Variants in HEATR6 observed in about 807,000 individuals in gnomAD.
HEATR6 encodes HEAT repeat containing 6.
Under a neutral mutation model 132.8 loss-of-function variants are expected in HEATR6, and 106 were observed. The observed-to-expected ratio is 0.80, with a 90% CI of 0.68 to 0.94. The LOEUF is 0.94. Among genes scored for constraint, HEATR6 ranks in the 40% least tolerant of loss-of-function variants. The pLI, the probability that HEATR6 is intolerant of heterozygous loss-of-function variation, is 0.00. For missense variants in HEATR6, 1,339 were observed against 1,425.1 expected (o/e 0.94, Z 0.97); for synonymous variants, 529 against 537.8 (o/e 0.98, Z 0.23).
chr17:60,054,646 T>C (rs1306029812), intron 14 of HEATR6, among the ~76,000 whole-genome samples: 2 of 152,248 alleles, frequency 1.3e-5, no homozygotes, highest in Admixed American at 1.3e-4. Context: ...CCCTTTCTTT[T>C]GGCTGATTTC....
intron 14 of HEATR6, among the ~76,000 whole-genome samples, chr17:60,051,284 G>C (rs1479192180): frequency 6.6e-6 from 1 of 152,226 alleles, no homozygotes; most frequent in East Asian, 1.9e-4. Context: ...GTTCTTCAGA[G>C]AGCTCATGCC....
At position 60,060,221 on chromosome 17, in the gene HEATR6, A is replaced by T. The variant is rs1598912186; in HGVS notation, c.1417-125T>A. 7.4e-6 allele frequency: 5 copies of T among 679,462 alleles called. No individual in the cohort carries two copies. In the East Asian group the frequency reaches 1.3e-4, roughly 18 times the overall value. 42.1% of individuals were successfully genotyped at this position (679,462 alleles called of 1,614,324 possible). On this transcript the variant is annotated intron_variant, in intron 9 of 19. Transcript: ENST00000184956. ...TAATTGGAAGAATAAAGGCAATGGG[A>T]TTATCTGTTAGTTCCTAAAAACTAG...
chr17:60,043,941 G>A lies in HEATR6; in HGVS notation c.3168C>T (p.Thr1056=). ...LVTALQKSED[T]IDFLEFKYCV... ...AGTACTTGAATTCCAAAAAGTCTAT[G>A]GTGTCTTCACTCTTCTGTAAAGCGG... is the stretch of plus-strand genomic sequence containing the variant. The change falls in exon 20 of 20, where the codon ACC becomes ACT. Residue 1056 remains threonine (T), a synonymous_variant. Coordinates refer to ENST00000184956, the MANE Select transcript of HEATR6 (RefSeq NM_022070.5). 1 of 1,614,094 alleles carries A rather than the reference G, an allele frequency of 6.2e-7. No homozygotes were observed. The highest frequency in any genetic ancestry group is 8.5e-7 in the Non-Finnish European group (1 of 1,180,008).
Position 60,043,542 on chromosome 17 carries a change from C to T in HEATR6, c.*21G>A. 6.3e-7 allele frequency: 1 copy of T among 1,584,416 alleles called. No homozygotes were observed. Among genetic ancestry groups the T allele is most frequent in the Non-Finnish European group, 8.6e-7 (1 of 1,160,178 alleles). On this transcript the variant is annotated 3_prime_UTR_variant, in exon 20 of 20. Transcript: ENST00000184956. ...GTCTTCCTACTGCCGCCTTCGACAT[C>T]TAGAAAGTATGGTGGGATCTTCACT...
At chr17:60,076,082 T>TA in intron 2 of HEATR6, 48 bp downstream of exon 2, 3 of 1,107,134 alleles carry the variant, frequency 2.7e-6, no homozygotes, top group Non-Finnish European at 4.1e-6. Flanking sequence ...GGTATTTACT[T>TA]ACTCTCAAAG....
intron 12 of HEATR6, 41 bp from the exon 13 acceptor site, chr17:60,056,278 G>A: frequency 6.4e-7 from 1 of 1,561,902 alleles, no homozygotes; most frequent in Non-Finnish European, 8.7e-7. Flanking sequence ...AGACCTGAGT[G>A]CAAGGCTGCA....
chr17:60,064,885 T>G (rs2083231969), intron 9 of HEATR6: 1 of 152,244 alleles, frequency 6.6e-6, no homozygotes, highest in Non-Finnish European at 1.5e-5. Context: ...ATAACCTTTT[T>G]GTATTCCTGT....
intron 9 of HEATR6, chr17:60,063,676 T>G (rs1044986626): frequency 2.4e-5 from 4 of 168,988 alleles, no homozygotes; most frequent in Non-Finnish European, 5.3e-5. Context: ...CACCTTTCCT[T>G]CTGTCCATTT....
At chr17:60,061,295 G>A (rs773931888) in intron 9 of HEATR6, among the ~76,000 whole-genome samples, 2 of 152,188 alleles carry the variant, frequency 1.3e-5, no homozygotes, top group African/African-American at 2.4e-5. Context: ...GCCTTTTATA[G>A]AGTGGAGTCG....
chr17:60,069,359 T>C (rs1395342542), intron 7 of HEATR6, among the ~76,000 whole-genome samples: 3 of 152,158 alleles, frequency 2.0e-5, no homozygotes, highest in Non-Finnish European at 4.4e-5. Context: ...TACAATAGAG[T>C]TGGTAGTTAT....
intron 9 of HEATR6, among the ~76,000 whole-genome samples, chr17:60,061,778 GC>G (rs1301873059): frequency 6.6e-6 from 1 of 152,248 alleles, no homozygotes; most frequent in East Asian, 1.9e-4. Context: ...GGCCAGATTT[GC>G]CCTACGGGCC....
In HEATR6 at chr17:60,043,411, G is replaced by A. The variant is rs960045732; in HGVS notation, c.*152C>T. On this transcript the variant is annotated 3_prime_UTR_variant, in exon 20 of 20. Transcript: ENST00000184956. ...ATGGAGTCACTCCAAAGGTGGTTGA[G>A]CCCTCTGTGAAAATTTAAATGGCTG... is the stretch of plus-strand genomic sequence containing the variant. 57 of 685,324 alleles carry A rather than the reference G, an allele frequency of 8.3e-5. No homozygotes were observed. The highest frequency in any genetic ancestry group is 3.2e-4 in the Admixed American group (11 of 34,502). 42.5% of individuals were successfully genotyped at this position (685,324 alleles called of 1,614,324 possible). A position where few individuals can be genotyped will look rare whatever the true frequency, so the allele number is the denominator to read the frequency against.
chr17:60,073,390 A>G, intron 3 of HEATR6, 111 bp from the exon 4 acceptor site: 2 of 663,232 alleles, frequency 3.0e-6, no homozygotes, highest in Non-Finnish European at 5.3e-6. Flanking sequence ...AAGCACCAAA[A>G]GACTAGCTGT....
intron 16 of HEATR6, 64 bp from the exon 17 acceptor site, chr17:60,048,452 C>A: frequency 6.8e-7 from 1 of 1,463,904 alleles, no homozygotes; most frequent in African/African-American, 1.4e-5. Flanking sequence ...TTGAAATTCT[C>A]ACTTATTTTC....
At chr17:60,055,482 A>G in intron 14 of HEATR6, 33 bp downstream of exon 14, 1 of 1,467,312 alleles carries the variant, frequency 6.8e-7, no homozygotes, top group Non-Finnish European at 9.4e-7. Flanking sequence ...TGAAGCATTA[A>G]TAAAAGAAAA....
intron 16 of HEATR6, among the ~76,000 whole-genome samples, chr17:60,049,124 T>TGA (rs1568609015): frequency 7.6e-6 from 1 of 131,188 alleles, no homozygotes; most frequent in African/African-American, 2.8e-5. Flanking sequence ...AGACAGAGAG[T>TGA]GTGTGTGTGT....
chr17:60,060,098 T>C lies in HEATR6; in HGVS notation c.1417-2A>G. 1.2e-6 allele frequency: 2 copies of C among 1,612,160 alleles called. No homozygotes were observed. The highest frequency in any genetic ancestry group is 8.5e-7 in the Non-Finnish European group (1 of 1,178,510). ...AACTTGCAGAGCACAGGCACGTGTC[T>C]GAAATTTCGGGATGATTCACATTGA... On this transcript the variant is annotated splice_acceptor_variant, in intron 9 of 19. Transcript: ENST00000184956. LOFTEE classifies it high-confidence loss of function.
intron 3 of HEATR6, 133 bp from the exon 4 acceptor site, chr17:60,073,412 C>T (rs1025967085): frequency 1.4e-5 from 9 of 626,826 alleles, no homozygotes; most frequent in African/African-American, 1.3e-4. Flanking sequence ...AGATAAATGT[C>T]TCCGATGGAT....
At chr17:60,049,796 C>A in intron 15 of HEATR6, 94 bp from the exon 16 acceptor site, 1 of 1,410,610 alleles carries the variant, frequency 7.1e-7, no homozygotes, top group Non-Finnish European at 9.8e-7. Context: ...TGTCTGAGAC[C>A]ATAATCAGGA....
Sources: allele counts gnomAD v4.1 joint callset (sites outside exome capture counted in the v4.1 genomes callset), GRCh38; gene constraint gnomAD v4.1.1; transcripts MANE v1.5; gene names NCBI Gene and HGNC (gene_info 2026-07-23, HGNC 2026-07-21).